The following ZNF804B variants were observed in gnomAD, a reference collection of about 807,000 sequenced individuals.
ZNF804B encodes the protein zinc finger protein 804B.
In ZNF804B, 80 loss-of-function variants were observed where a neutral mutation model predicts 101.4. The observed-to-expected ratio is 0.79, with a 90% CI of 0.66 to 0.95. The LOEUF is 0.95. Ranked by LOEUF, ZNF804B falls within the 40% of genes least tolerant of loss-of-function variation. The pLI is 0.00. For synonymous variants in ZNF804B, 622 were observed against 558.8 expected (o/e 1.11, Z -1.59); for missense variants, 1,673 against 1,561.9 (o/e 1.07, Z -1.20).
chr7:89,208,263 T>C (rs936876726), intron 1 of ZNF804B, among the ~76,000 whole-genome samples: 2 of 152,094 alleles, frequency 1.3e-5, no homozygotes, highest in Non-Finnish European at 2.9e-5. Context: ...TTTGTATTTT[T>C]AATAGAGACG....
intron 1 of ZNF804B, among the ~76,000 whole-genome samples, chr7:89,117,732 C>G (rs902000540): frequency 6.6e-6 from 1 of 152,110 alleles, no homozygotes; most frequent in Non-Finnish European, 1.5e-5. Context: ...AATTATCATA[C>G]TCATTACATA....
intron 1 of ZNF804B, among the ~76,000 whole-genome samples, chr7:89,044,069 A>G (rs1789062498): frequency 6.6e-6 from 1 of 152,230 alleles, no homozygotes; most frequent in Non-Finnish European, 1.5e-5. Context: ...ACAGAAAGAC[A>G]GACACTGCAT....
intron 1 of ZNF804B, among the ~76,000 whole-genome samples, chr7:89,204,353 T>C (rs1392332778): frequency 2.0e-5 from 3 of 152,202 alleles, no homozygotes; most frequent in Admixed American, 6.5e-5. Context: ...ACCTGTGGGC[T>C]GAATTGATGA....
chr7:89,216,660 A>G (rs764084921), intron 1 of ZNF804B, among the ~76,000 whole-genome samples: 1 of 152,076 alleles, frequency 6.6e-6, no homozygotes, highest in African/African-American at 2.4e-5. Context: ...TCTTTTTGCC[A>G]TGTGTTTTAC....
At chr7:89,016,046 G>A (rs1788550223) in intron 1 of ZNF804B, among the ~76,000 whole-genome samples, 1 of 152,138 alleles carries the variant, frequency 6.6e-6, no homozygotes, top group Non-Finnish European at 1.5e-5. Flanking sequence ...GTGTGAGATG[G>A]TATCTCATTG....
chr7:88,917,223 C>G (rs932755596), intron 1 of ZNF804B, among the ~76,000 whole-genome samples: 4 of 151,938 alleles, frequency 2.6e-5, no homozygotes, highest in African/African-American at 9.7e-5. Flanking sequence ...CGAGATCGCA[C>G]CATTGCACTC....
At chr7:88,895,314 A>C (rs915911286) in intron 1 of ZNF804B, among the ~76,000 whole-genome samples, 4 of 152,226 alleles carry the variant, frequency 2.6e-5, no homozygotes, top group Admixed American at 2.6e-4. Flanking sequence ...TCACTGTTAA[A>C]GTGGGAAGTT....
chr7:88,916,063 A>T (rs1190845188), intron 1 of ZNF804B, among the ~76,000 whole-genome samples: 5 of 152,076 alleles, frequency 3.3e-5, no homozygotes, highest in African/African-American at 7.2e-5. Flanking sequence ...CTTAAAAAAA[A>T]TATTGATCAC....
At chr7:88,763,044 G>A (rs1415745122) in intron 1 of ZNF804B, among the ~76,000 whole-genome samples, 1 of 151,984 alleles carries the variant, frequency 6.6e-6, no homozygotes, top group Non-Finnish European at 1.5e-5. Flanking sequence ...ACATAATAAG[G>A]ATTTCTTCTT....
At chr7:88,860,300 G>A (rs1325172080) in intron 1 of ZNF804B, among the ~76,000 whole-genome samples, 1 of 151,990 alleles carries the variant, frequency 6.6e-6, no homozygotes, top group Non-Finnish European at 1.5e-5. Flanking sequence ...GTATCATTTA[G>A]CAGATTTAAT....
intron 2 of ZNF804B, among the ~76,000 whole-genome samples, chr7:89,304,020 A>G (rs1790522950): frequency 6.6e-6 from 1 of 151,954 alleles, no homozygotes; most frequent in African/African-American, 2.4e-5. Context: ...ATTCCGGACT[A>G]TAGGACCTTG....
At chr7:89,106,476 G>A (rs948522227) in intron 1 of ZNF804B, among the ~76,000 whole-genome samples, 15 of 152,100 alleles carry the variant, frequency 9.9e-5, no homozygotes, top group African/African-American at 3.4e-4. Flanking sequence ...ACTAGCCCGA[G>A]ATTGATGGCT....
intron 3 of ZNF804B, among the ~76,000 whole-genome samples, chr7:89,328,886 A>G (rs942392451): frequency 1.3e-5 from 2 of 151,782 alleles, no homozygotes; most frequent in African/African-American, 4.8e-5. Context: ...TACCCATTCT[A>G]TATTTTCCTC....
At chr7:89,065,398 A>G (rs543693661) in intron 1 of ZNF804B, among the ~76,000 whole-genome samples, 6 of 152,244 alleles carry the variant, frequency 3.9e-5, no homozygotes, top group South Asian at 2.1e-4. Context: ...CTCTCAGCCC[A>G]TAGGGCTTCT....
rs148721934 is a variant in ZNF804B at position 89,268,475 on chromosome 7, A to G, written c.249+50180A>G. 5.3e-4 allele frequency among the ~76,000 whole-genome samples: 81 copies of G among 151,970 alleles called. No homozygotes were observed. In the East Asian group the frequency reaches 0.011, roughly 21 times the overall value. The stretch of plus-strand genomic sequence containing the variant: ...AACATTGCAAACATTTCATGACGAG[A>G]TCTTTCTTAAACTATTCCAACAGCT... On this transcript the variant is annotated intron_variant, in intron 2 of 3. Transcript: ENST00000333190.
chr7:89,002,750 A>G (rs928566695), intron 1 of ZNF804B, among the ~76,000 whole-genome samples: 1 of 151,976 alleles, frequency 6.6e-6, no homozygotes, highest in Non-Finnish European at 1.5e-5. Flanking sequence ...AGCTGGCTCT[A>G]TAAATAATAA....
At chr7:88,849,879 T>G (rs1028996549) in intron 1 of ZNF804B, among the ~76,000 whole-genome samples, 8 of 151,970 alleles carry the variant, frequency 5.3e-5, no homozygotes, top group African/African-American at 1.7e-4. Flanking sequence ...TATTTTAAAC[T>G]TATGGAGTTA....
intron 1 of ZNF804B, 76 bp downstream of exon 1, chr7:88,760,160 A>T: frequency 8.3e-7 from 1 of 1,211,894 alleles, no homozygotes; most frequent in Non-Finnish European, 1.2e-6. Context: ...GAGAGATAGT[A>T]TCCTGATACA....
At chr7:88,770,241 G>A (rs761964842) in intron 1 of ZNF804B, among the ~76,000 whole-genome samples, 45 of 152,192 alleles carry the variant, frequency 3.0e-4, no homozygotes, top group African/African-American at 6.3e-4. Flanking sequence ...GGGACTTTCC[G>A]GTTATGATTG....
Sources: allele counts gnomAD v4.1 joint callset (sites outside exome capture counted in the v4.1 genomes callset), GRCh38; gene constraint gnomAD v4.1.1; transcripts MANE v1.5; gene names NCBI Gene and HGNC (gene_info 2026-07-23, HGNC 2026-07-21).